WWTR1: variants seen among roughly 807,000 people sequenced by gnomAD.
WWTR1 encodes the protein WW domain containing transcription regulator 1.
A neutral mutation model predicts 40.1 loss-of-function variants in WWTR1; 13 were observed. That is an observed-to-expected ratio of 0.32 (90% CI 0.21 to 0.52). WWTR1 has a LOEUF of 0.52. Ranked by LOEUF, WWTR1 falls within the 20% of genes least tolerant of loss-of-function variation. WWTR1 has a pLI of 0.97. For synonymous variants in WWTR1, 230 were observed against 210.1 expected, an observed-to-expected ratio of 1.09 and a Z score of -0.82; for missense variants, 436 against 523.1, an observed-to-expected ratio of 0.83 and a Z score of 1.63.
At chr3:149,597,699 T>C (rs1262999603) in intron 2 of WWTR1, among the ~76,000 whole-genome samples, 1 of 152,186 alleles carries the variant, frequency 6.6e-6, no homozygotes, top group Non-Finnish European at 1.5e-5. Flanking sequence ...ATAAGCATTC[T>C]GAAGCTAAGT....
chr3:149,646,186 T>C (rs1254612270), intron 2 of WWTR1, among the ~76,000 whole-genome samples: 1 of 152,164 alleles, frequency 6.6e-6, no homozygotes, highest in African/African-American at 2.4e-5. Context: ...ATGAATTGAT[T>C]AAGAGATGGA....
rs16862031 is a variant in WWTR1, at chr3:149,611,496, T to C, written c.432-38496A>G. Among the ~76,000 whole-genome samples, 647 of 152,346 alleles carry C rather than the reference T, an allele frequency of 4.2e-3. 3 individuals are homozygous for C. Among genetic ancestry groups the C allele is most frequent in the African/African-American group, 0.015 (612 of 41,580 alleles). The stretch of plus-strand genomic sequence containing the variant: ...TCAGAAAGTTTGCCTATCCCTGACA[T>C]AGGCCAGAGAGGGATCAATCCAACT... On this transcript the variant is annotated intron_variant, in intron 2 of 6. Coordinates refer to ENST00000360632, the MANE Select transcript of WWTR1 (RefSeq NM_015472.6).
At chr3:149,530,813 A>G (rs983382433) in intron 4 of WWTR1, among the ~76,000 whole-genome samples, 1 of 152,116 alleles carries the variant, frequency 6.6e-6, no homozygotes, top group African/African-American at 2.4e-5. Context: ...CTTAATCACC[A>G]AGTCATCCTA....
chr3:149,572,923 G>C lies in WWTR1; in HGVS notation c.509C>G (p.Pro170Arg). ...NQPLNHMNLH[P>R]AVSSTPVPQR... ...AGGCACTGGTGTGGAACTGACGGCA[G>C]GGTGGAGGTTCATATGATTCAGAGG... The change falls in exon 3 of 7, where the codon CCT (proline) becomes CGT (arginine). Residue 170 changes from proline (P) to arginine (R), a missense_variant. Transcript: ENST00000360632. The C allele has an allele frequency of 6.2e-7, 1 of 1,613,940 alleles. No individual in the cohort carries two copies. The highest frequency in any genetic ancestry group is 1.1e-5 in the South Asian group (1 of 91,036).
upstream of WWTR1, among the ~76,000 whole-genome samples, chr3:149,706,472 C>T (rs1384509060): frequency 6.6e-6 from 1 of 151,602 alleles, no homozygotes; most frequent in Admixed American, 6.7e-5. Flanking sequence ...GCATGCACCA[C>T]CACGCCCGGC....
chr3:149,619,298 A>T (rs923847802), intron 2 of WWTR1, among the ~76,000 whole-genome samples: 1 of 152,166 alleles, frequency 6.6e-6, no homozygotes, highest in African/African-American at 2.4e-5. Flanking sequence ...AGGAGTTTCT[A>T]CGAGGCAGTG....
intron 1 of WWTR1, among the ~76,000 whole-genome samples, chr3:149,688,716 ACTC>A (rs1714727747): frequency 6.6e-6 from 1 of 152,008 alleles, no homozygotes; most frequent in Non-Finnish European, 1.5e-5. Flanking sequence ...TAAATACCTA[ACTC>A]CTCAGTACCC....
At chr3:149,705,292 A>G (rs2108227045), upstream of WWTR1, among the ~76,000 whole-genome samples, 1 of 152,310 alleles carries the variant, frequency 6.6e-6, no homozygotes, top group Middle Eastern at 3.4e-3. Flanking sequence ...TGCCAGATTG[A>G]TAGCGCCCCC....
chr3:149,690,798 A>C (rs911601310), intron 1 of WWTR1, among the ~76,000 whole-genome samples: 1 of 152,226 alleles, frequency 6.6e-6, no homozygotes, highest in East Asian at 1.9e-4. Context: ...ATTTCATCCA[A>C]TGGCTACAGA....
chr3:149,582,855 T>C (rs1031463647), intron 2 of WWTR1, among the ~76,000 whole-genome samples: 8 of 152,350 alleles, frequency 5.3e-5, no homozygotes, highest in South Asian at 2.1e-4. Context: ...GTATAAAATA[T>C]GTACTTGGTA....
chr3:149,542,744 G>T (rs1736176243), intron 3 of WWTR1, among the ~76,000 whole-genome samples: 1 of 152,060 alleles, frequency 6.6e-6, no homozygotes. Flanking sequence ...GACTCATCTA[G>T]CCTCGGCTTT....
intron 5 of WWTR1, among the ~76,000 whole-genome samples, chr3:149,708,777 G>A (rs62271166): frequency 0.32 from 48,153 of 151,992 alleles, 8,457 homozygotes; most frequent in Middle Eastern, 0.52. Flanking sequence ...TGAACATGAA[G>A]GTGCAGATAT....
intron 2 of WWTR1, among the ~76,000 whole-genome samples, chr3:149,574,144 C>G (rs1161156379): frequency 6.6e-6 from 1 of 152,104 alleles, no homozygotes; most frequent in Non-Finnish European, 1.5e-5. Flanking sequence ...AATCTTCCCA[C>G]CTTGGCCTAC....
chr3:149,713,376 A>AT (rs150701410), intron 5 of WWTR1, among the ~76,000 whole-genome samples: 4,153 of 151,392 alleles, frequency 0.027, 191 homozygotes, highest in African/African-American at 0.095. Flanking sequence ...TAATTTATTT[A>AT]TTTTTTTTGT....
At position 149,657,218 on chromosome 3, in the gene WWTR1, G is replaced by A. The variant is rs1713293924; in HGVS notation, c.89C>T (p.Ala30Val). The stretch of plus-strand genomic sequence containing the variant: ...CGGATTCATGACAGAGTTGAAGAGG[G>A]CTTCGAGGTCTGTGTCTAGGTCCTG... ...VTQDLDTDLE[A>V]LFNSVMNPKP... Residue 30 changes from alanine to valine, a missense_variant, in exon 2 of 7, where the codon GCC becomes GTC. By Grantham distance (64) the Ala-to-Val change is moderately conservative. Coordinates refer to ENST00000360632, the MANE Select transcript of WWTR1 (RefSeq NM_015472.6). 1.2e-6 allele frequency: 2 copies of A among 1,612,698 alleles called. No homozygotes were observed. The highest frequency in any genetic ancestry group is 1.1e-5 in the South Asian group (1 of 90,606).
intron 2 of WWTR1, among the ~76,000 whole-genome samples, chr3:149,610,261 A>T (rs932088188): frequency 6.6e-6 from 1 of 152,240 alleles, no homozygotes; most frequent in Non-Finnish European, 1.5e-5. Context: ...ATACCTGCTC[A>T]GTGTTGCAAA....
intron 2 of WWTR1, among the ~76,000 whole-genome samples, chr3:149,594,398 C>T (rs1738878902): frequency 6.6e-6 from 1 of 152,012 alleles, no homozygotes; most frequent in Admixed American, 6.6e-5. Flanking sequence ...AAAAACACAT[C>T]TGAGACCATT....
chr3:149,673,314 G>C (rs1714156080), intron 1 of WWTR1, among the ~76,000 whole-genome samples: 1 of 152,048 alleles, frequency 6.6e-6, no homozygotes, highest in Non-Finnish European at 1.5e-5. Context: ...CATAGAAGTA[G>C]GTTTTAATTA....
rs1734947671 is a variant in WWTR1 at position 149,519,614 on chromosome 3, T to C, written c.*1191A>G. On this transcript the variant is annotated 3_prime_UTR_variant, in exon 7 of 7. Transcript: ENST00000360632. ...TTTATCAAAAACATTTGGCTGCCTT[T>C]TGTCATCAGCTACAAAATTACAGTG... 6.6e-6 allele frequency: 1 copy of C among 152,198 alleles called. No homozygotes were observed. Among genetic ancestry groups the C allele is most frequent in the Non-Finnish European group, 1.5e-5 (1 of 68,038 alleles). The allele number at this position is 152,198 out of a possible 1,614,324, so 9.4% of individuals were successfully genotyped here.
Sources: gnomAD v4.1 joint callset for allele counts (sites outside exome capture counted in the v4.1 genomes callset) on GRCh38, gnomAD v4.1.1 for gene constraint, MANE v1.5 for transcripts, NCBI Gene and HGNC (gene_info 2026-07-23, HGNC 2026-07-21) for gene names.